AHCYL1: variants seen among roughly 807,000 people sequenced by gnomAD.
AHCYL1 encodes the protein adenosylhomocysteinase like 1, also known as S-adenosylhomocysteine hydrolase-like protein 1.
Under a neutral mutation model 79.3 loss-of-function variants are expected in AHCYL1, and 20 were observed. That is an observed-to-expected ratio of 0.25 (90% CI 0.18 to 0.37). The LOEUF (loss-of-function observed/expected upper bound fraction) is 0.37, where lower values mean the gene tolerates loss of function less well. Among genes scored for constraint, AHCYL1 ranks in the 10% least tolerant of loss-of-function variants. The probability of loss-of-function intolerance (pLI) is 1.00; values close to 1 mark genes in which losing one functional copy is unlikely to be tolerated. For synonymous variants in AHCYL1, 223 were observed against 242.2 expected (o/e 0.92, Z 0.74); for missense variants, 330 against 673.6 (o/e 0.49, Z 5.65).
rs552558242 is a variant in AHCYL1, at chr1:110,001,289, C to T, written c.121-7745C>T. On this transcript the variant is annotated intron_variant, in intron 1 of 16. Coordinates refer to ENST00000369799, the MANE Select transcript of AHCYL1 (RefSeq NM_006621.7). ...GCAACCTCTGCCTCCCAGGTTCAAG[C>T]GATTCTCCTGCCTCAGCCTCCTGAG... is the stretch of plus-strand genomic sequence containing the variant. 9.2e-3 allele frequency among the ~76,000 whole-genome samples: 1,400 copies of T among 152,046 alleles called. 28 individuals are homozygous for T. The highest frequency in any genetic ancestry group is 0.032 in the African/African-American group (1,323 of 41,444).
chr1:109,993,093 A>AAG (rs1649850966), intron 1 of AHCYL1, among the ~76,000 whole-genome samples: 1 of 152,200 alleles, frequency 6.6e-6, no homozygotes, highest in African/African-American at 2.4e-5. Flanking sequence ...CAGGAACTTA[A>AAG]CACACATTCG....
rs569739397 is a variant in AHCYL1, at chr1:110,023,587, T to G, written c.*1907T>G. 58 of 149,278 alleles carry G rather than the reference T, an allele frequency of 3.9e-4. No individual in the cohort carries two copies. Among genetic ancestry groups the G allele is most frequent in the Middle Eastern group, 3.4e-3 (1 of 294 alleles). The allele number at this position is 149,278 out of a possible 1,614,324, so 9.2% of individuals were successfully genotyped here. ...TCAAGCCATGTAACAAAGGACACTG[T>G]TAAAAAAAAAAAAAAGTCTGGCATC... On this transcript the variant is annotated 3_prime_UTR_variant, in exon 17 of 17. Transcript: ENST00000369799.
chr1:110,015,373 C>T (rs999088373), intron 6 of AHCYL1, 52 bp from the exon 7 acceptor site: 1 of 1,475,962 alleles, frequency 6.8e-7, no homozygotes, highest in Non-Finnish European at 9.5e-7. Context: ...TCAAAGTTCC[C>T]CCCAGCCCTA....
intron 3 of AHCYL1, 130 bp downstream of exon 3, chr1:110,011,487 G>A (rs546899604): frequency 9.7e-6 from 12 of 1,236,432 alleles, no homozygotes; most frequent in East Asian, 2.4e-5. Flanking sequence ...ATGGACTTTC[G>A]GATAAACACT....
At chr1:109,997,075 T>C (rs745573766) in intron 1 of AHCYL1, among the ~76,000 whole-genome samples, 5 of 152,210 alleles carry the variant, frequency 3.3e-5, no homozygotes, top group Non-Finnish European at 7.3e-5. Context: ...CTAAGCCTTC[T>C]CTAAGCTAAA....
intron 16 of AHCYL1, among the ~76,000 whole-genome samples, chr1:110,021,321 GT>G (rs1343212302): frequency 6.6e-6 from 1 of 152,086 alleles, no homozygotes; most frequent in Non-Finnish European, 1.5e-5. Context: ...GGGAGTTAGG[GT>G]TTTTTTGAAA....
At chr1:110,010,595 A>G (rs1650961785) in intron 2 of AHCYL1, among the ~76,000 whole-genome samples, 1 of 152,188 alleles carries the variant, frequency 6.6e-6, no homozygotes, top group Non-Finnish European at 1.5e-5. Context: ...CTTGAGCACA[A>G]CTTAGTGTAA....
In AHCYL1 at chr1:110,009,113, T is replaced by A; in HGVS notation, c.200T>A (p.Ile67Asn). The A allele has an allele frequency of 6.2e-7, 1 of 1,613,964 alleles. No individual in the cohort carries two copies. The highest frequency in any genetic ancestry group is 8.5e-7 in the Non-Finnish European group (1 of 1,179,868). Residue 67 changes from isoleucine (I) to asparagine (N), a missense_variant, in exon 2 of 17, where the codon ATC becomes AAC. Ile to Asn is a moderately radical substitution (Grantham distance 149). Around this residue, in one of 6 missense-constraint regions of AHCYL1, gnomAD observed 97 missense variants for 176.3 expected, o/e 0.55. Coordinates refer to ENST00000369799, the MANE Select transcript of AHCYL1 (RefSeq NM_006621.7). ...KTGRRSLSRS[I>N]SQSSTDSYSS... ...GGCCGAAGATCTTTGTCTCGCTCGA[T>A]CTCACAGTCCTCCACTGACAGCTAC...
At chr1:110,007,851 T>G (rs1570872663) in intron 1 of AHCYL1, among the ~76,000 whole-genome samples, 1 of 152,178 alleles carries the variant, frequency 6.6e-6, no homozygotes, top group East Asian at 1.9e-4. Context: ...TATCAGAGTT[T>G]AAACAGGAGT....
chr1:109,996,660 CTT>C (rs573014829), intron 1 of AHCYL1, among the ~76,000 whole-genome samples: 266 of 152,348 alleles, frequency 1.7e-3, no homozygotes, highest in African/African-American at 6.1e-3. Context: ...GTCAGAGAGA[CTT>C]TAAATGACTG....
At chr1:109,998,675 G>A (rs574219433) in intron 1 of AHCYL1, among the ~76,000 whole-genome samples, 75 of 152,092 alleles carry the variant, frequency 4.9e-4, no homozygotes, top group African/African-American at 1.7e-3. Context: ...ATGAGGTTTC[G>A]CCATGTTGGC....
Position 109,985,173 on chromosome 1 carries a change from G to A in AHCYL1, c.120+1G>A. 1 of 1,607,822 alleles carries A rather than the reference G, an allele frequency of 6.2e-7. No homozygotes were observed. The highest frequency in any genetic ancestry group is 8.5e-7 in the Non-Finnish European group (1 of 1,177,500). On this transcript the variant is annotated splice_donor_variant, in intron 1 of 16. Coordinates refer to ENST00000369799, the MANE Select transcript of AHCYL1 (RefSeq NM_006621.7). LOFTEE classifies it high-confidence loss of function. ...CACCGTCACCAAGGCGCCCAAGAAG[G>A]TGCGGGGGCTCTGGGTGGCGGCGGG...
chr1:110,007,043 T>C (rs1277407509), intron 1 of AHCYL1, among the ~76,000 whole-genome samples: 1 of 152,176 alleles, frequency 6.6e-6, no homozygotes, highest in South Asian at 2.1e-4. Context: ...ATGAGCTTTA[T>C]TAATATAAGG....
chr1:110,000,213 A>G (rs1172556209), intron 1 of AHCYL1, among the ~76,000 whole-genome samples: 1 of 152,230 alleles, frequency 6.6e-6, no homozygotes, highest in Non-Finnish European at 1.5e-5. Context: ...ATCAGTGGCC[A>G]ATTTGACCAT....
At chr1:110,009,218 A>G (rs879154663) in intron 2 of AHCYL1, 73 bp downstream of exon 2, 19 of 1,328,916 alleles carry the variant, frequency 1.4e-5, no homozygotes, top group Non-Finnish European at 1.9e-5. Context: ...TCACTTAGCA[A>G]TCTGAAAATA....
At chr1:110,015,579 C>G in intron 7 of AHCYL1, 48 bp downstream of exon 7, 1 of 1,438,532 alleles carries the variant, frequency 7.0e-7, no homozygotes. Context: ...CCTCAGCAAA[C>G]TCTCCTGGTC....
At chr1:110,013,802 C>CTTTTTTTTTTTTTTTTTTTTTTT (rs151045613) in intron 5 of AHCYL1, among the ~76,000 whole-genome samples, 1 of 142,170 alleles carries the variant, frequency 7.0e-6, no homozygotes, top group African/African-American at 2.6e-5. Flanking sequence ...ATCTTTCTTT[C>CTTTTTTTTTTTTTTTTTTTTTTT]TTTTTTTTTT....
intron 1 of AHCYL1, among the ~76,000 whole-genome samples, chr1:109,995,490 C>T (rs903241654): frequency 2.0e-5 from 3 of 152,200 alleles, no homozygotes; most frequent in African/African-American, 7.2e-5. Context: ...TTGTCTGTTC[C>T]TAACAGATGG....
Position 110,000,999 on chromosome 1 carries a change from T to C in AHCYL1, c.121-8035T>C, listed in dbSNP as rs982407825. 4.4e-5 allele frequency: 43 copies of C among 975,180 alleles called. No homozygotes were observed. In the African/African-American group the frequency reaches 7.2e-4, roughly 16 times the overall value. 60.4% of individuals were successfully genotyped at this position (975,180 alleles called of 1,614,324 possible). A position where few individuals can be genotyped will look rare whatever the true frequency, so the allele number is the denominator to read the frequency against. ...GTGTCCACCCTACTAGTAAGTGGGA[T>C]TTCAAACTTCCTGTACAATCAACTT... On this transcript the variant is annotated intron_variant, in intron 1 of 16. Coordinates refer to ENST00000369799, the MANE Select transcript of AHCYL1 (RefSeq NM_006621.7).
Sources: allele counts gnomAD v4.1 joint callset (sites outside exome capture counted in the v4.1 genomes callset), GRCh38; gene constraint gnomAD v4.1.1; regional missense constraint gnomAD v4.1.1; transcripts MANE v1.5; gene names NCBI Gene and HGNC (gene_info 2026-07-23, HGNC 2026-07-21).